The following ITGA9 variants were observed in gnomAD, a reference collection of about 807,000 sequenced individuals.
The protein encoded by ITGA9 is integrin subunit alpha 9, also known as integrin alpha-9.
In ITGA9, 56 loss-of-function variants were observed where a neutral mutation model predicts 127.8. The ratio of observed to expected loss-of-function variants is 0.44; its 90% CI spans 0.35 to 0.55. ITGA9 has a LOEUF of 0.55. Ranked by LOEUF, ITGA9 falls within the 20% of genes least tolerant of loss-of-function variation. The probability of loss-of-function intolerance (pLI) is 0.00; values close to 1 mark genes in which losing one functional copy is unlikely to be tolerated. For missense variants in ITGA9, 1,196 were observed against 1,347.1 expected, an observed-to-expected ratio of 0.89 and a Z score of 1.76; for synonymous variants, 508 against 514.5, an observed-to-expected ratio of 0.99 and a Z score of 0.17.
intron 27 of ITGA9, among the ~76,000 whole-genome samples, chr3:37,813,720 G>A (rs930328611): frequency 6.6e-6 from 1 of 152,088 alleles, no homozygotes; most frequent in Admixed American, 6.5e-5. Context: ...TTCTTGATGA[G>A]GTAATCAGGC....
Position 37,750,880 on chromosome 3 carries a change from T to C in ITGA9, c.2541+311T>C, listed in dbSNP as rs555356765. Among the ~76,000 whole-genome samples, 4 of 152,356 alleles carry C rather than the reference T, an allele frequency of 2.6e-5. No individual in the cohort carries two copies. The East Asian group carries it at 5.8e-4, about 22-fold the overall frequency. On this transcript the variant is annotated intron_variant, in intron 23 of 27. Coordinates refer to ENST00000264741, the MANE Select transcript of ITGA9 (RefSeq NM_002207.3). ...CTGCAGTTGCATGCGTCTGAATGCA[T>C]TTTGCTGAGTGCATTTTGCACAGGG... is the stretch of plus-strand genomic sequence containing the variant.
intron 15 of ITGA9, among the ~76,000 whole-genome samples, chr3:37,606,433 T>C (rs988165472): frequency 2.0e-5 from 3 of 152,182 alleles, no homozygotes; most frequent in African/African-American, 7.2e-5. Flanking sequence ...ATTTTTAATA[T>C]ATTGAATTAT....
intron 22 of ITGA9, among the ~76,000 whole-genome samples, chr3:37,745,051 T>A (rs936671976): frequency 1.3e-5 from 2 of 152,206 alleles, no homozygotes; most frequent in African/African-American, 4.8e-5. Flanking sequence ...TCCTTCCCCA[T>A]GGAGAGATGG....
intron 18 of ITGA9, among the ~76,000 whole-genome samples, chr3:37,718,235 T>C (rs1022181045): frequency 1.3e-5 from 2 of 152,258 alleles, no homozygotes. Flanking sequence ...GTGTAGAAGC[T>C]GTTTCCCATT....
chr3:37,764,532 C>A (rs1052339380), intron 23 of ITGA9, among the ~76,000 whole-genome samples: 1 of 150,002 alleles, frequency 6.7e-6, no homozygotes, highest in Admixed American at 6.6e-5. Flanking sequence ...GTCCAAAACC[C>A]GGCGTTCCCT....
chr3:37,534,644 C>T (rs1424570556), intron 14 of ITGA9, among the ~76,000 whole-genome samples: 1 of 152,198 alleles, frequency 6.6e-6, no homozygotes, highest in Non-Finnish European at 1.5e-5. Flanking sequence ...TGAATAAGCT[C>T]AACTATTAAA....
At chr3:37,630,771 A>G (rs1353877071) in intron 16 of ITGA9, among the ~76,000 whole-genome samples, 3 of 152,210 alleles carry the variant, frequency 2.0e-5, no homozygotes, top group Non-Finnish European at 4.4e-5. Flanking sequence ...TCACAACACA[A>G]GTGCCCCAGG....
At chr3:37,509,122 G>A (rs986741749) in intron 8 of ITGA9, among the ~76,000 whole-genome samples, 4 of 152,174 alleles carry the variant, frequency 2.6e-5, no homozygotes, top group African/African-American at 9.7e-5. Context: ...AACACAGGTT[G>A]CCTGATTCCT....
intron 12 of ITGA9, among the ~76,000 whole-genome samples, chr3:37,525,366 T>C (rs868680921): frequency 2.0e-5 from 3 of 152,168 alleles, no homozygotes; most frequent in Non-Finnish European, 2.9e-5. Flanking sequence ...GACTAATAAA[T>C]ATTTTCTGAT....
rs1221811935 is a variant in ITGA9 at position 37,629,186 on chromosome 3, G to C, written c.1690-1G>C. 1.2e-6 allele frequency: 2 copies of C among 1,612,410 alleles called. No individual in the cohort carries two copies. Among genetic ancestry groups the C allele is most frequent in the Non-Finnish European group, 1.7e-6 (2 of 1,179,870 alleles). On this transcript the variant is annotated splice_acceptor_variant, in intron 15 of 27. Transcript: ENST00000264741. LOFTEE classifies it high-confidence loss of function. The surrounding 1 kb of genome is among the most constrained non-coding windows in gnomAD (Gnocchi z 4.5). ...ATGCACGTATTTGTTTATTGTTTCA[G>C]CGGAGGGTGCAGGACGTCATCAGCC...
At chr3:37,689,595 G>T (rs2364656) in intron 18 of ITGA9, among the ~76,000 whole-genome samples, 2 of 152,134 alleles carry the variant, frequency 1.3e-5, no homozygotes, top group African/African-American at 4.8e-5. Flanking sequence ...GGGCCGGGGG[G>T]TGCTGCATGG....
intron 26 of ITGA9, among the ~76,000 whole-genome samples, chr3:37,785,334 A>G (rs1214371578): frequency 6.6e-6 from 1 of 152,142 alleles, no homozygotes; most frequent in Admixed American, 6.5e-5. Context: ...CAAAGGGAAA[A>G]TGGTCTGGAA....
rs2125632666 is a variant in ITGA9, at chr3:37,623,712, TG to T, written c.1690-5474del. Among the ~76,000 whole-genome samples, 3 of 151,784 alleles carry T rather than the reference TG, an allele frequency of 2.0e-5. No homozygotes were observed. In the East Asian group the frequency reaches 5.8e-4, roughly 29 times the overall value. ...GTGTCTGTGTGTGTGTGTGTGTGTG[TG>T]TGTCCAGCTTTTCGAGTTGTCCGTG... On this transcript the variant is annotated intron_variant, in intron 15 of 27. Transcript: ENST00000264741.
chr3:37,555,152 C>T (rs1037479343), intron 15 of ITGA9, among the ~76,000 whole-genome samples: 7 of 152,204 alleles, frequency 4.6e-5, no homozygotes, highest in Non-Finnish European at 1.0e-4. Flanking sequence ...AGAAGTGGGA[C>T]ATGCAAAGGG....
chr3:37,623,723 T>C (rs1212083260), intron 15 of ITGA9, among the ~76,000 whole-genome samples: 3 of 151,828 alleles, frequency 2.0e-5, no homozygotes, highest in Non-Finnish European at 2.9e-5. Flanking sequence ...GTGTCCAGCT[T>C]TTCGAGTTGT....
intron 15 of ITGA9, chr3:37,585,679 T>C (rs1189452096): frequency 2.0e-6 from 1 of 511,430 alleles, no homozygotes. Flanking sequence ...ACAAGGAAAC[T>C]ACAGGTGAAA....
rs1696948785 is a variant in ITGA9 at position 37,779,455 on chromosome 3, AT to A, written c.2668-446del. 3.9e-5 allele frequency among the ~76,000 whole-genome samples: 6 copies of A among 152,312 alleles called. No homozygotes were observed. In the South Asian group the frequency reaches 1.2e-3, roughly 32 times the overall value. ...TTGTGTTTTCTTGAGGAAGTGTCAC[AT>A]GACTTCTTAGCCCTCTTATTCACCT... On this transcript the variant is annotated intron_variant, in intron 24 of 27. Coordinates refer to ENST00000264741, the MANE Select transcript of ITGA9 (RefSeq NM_002207.3).
At chr3:37,768,297 G>C (rs778100841) in intron 23 of ITGA9, among the ~76,000 whole-genome samples, 1 of 152,116 alleles carries the variant, frequency 6.6e-6, no homozygotes, top group Admixed American at 6.5e-5. Context: ...TCTAGAACTA[G>C]ACACCTTAGG....
intron 10 of ITGA9, 58 bp from the exon 11 acceptor site, chr3:37,519,202 A>G: frequency 7.9e-7 from 1 of 1,268,520 alleles, no homozygotes; most frequent in South Asian, 1.2e-5. Flanking sequence ...GAATTAGGGA[A>G]GCTGCACTTG....
Sources: allele counts gnomAD v4.1 joint callset (sites outside exome capture counted in the v4.1 genomes callset), GRCh38; gene constraint gnomAD v4.1.1; non-coding constraint Gnocchi (gnomAD v3.1); transcripts MANE v1.5; gene names NCBI Gene and HGNC (gene_info 2026-07-23, HGNC 2026-07-21).